The following CCDC14 variants were observed in gnomAD, a reference collection of about 807,000 sequenced individuals.
CCDC14 encodes coiled-coil domain containing 14.
A neutral mutation model predicts 81.4 loss-of-function variants in CCDC14; 71 were observed. The observed-to-expected ratio is 0.87, with a 90% CI of 0.72 to 1.06. CCDC14 has a LOEUF of 1.06. Among genes scored for constraint, CCDC14 ranks in the 50% least tolerant of loss-of-function variants. The probability of loss-of-function intolerance (pLI) is 0.00; values close to 1 mark genes in which losing one functional copy is unlikely to be tolerated. For missense variants in CCDC14, 1,046 were observed against 1,047.3 expected (o/e 1.00, Z 0.02); for synonymous variants, 332 against 364.8 (o/e 0.91, Z 1.03).
chr3:123,952,700 T>C (rs1421796308), intron 5 of CCDC14: 2 of 463,240 alleles, frequency 4.3e-6, no homozygotes, highest in East Asian at 5.9e-5. Flanking sequence ...TAACACAAAA[T>C]AGCAAGATAA....
chr3:123,890,665 C>G, the CCDC14 span, among the ~76,000 whole-genome samples: 1 of 152,322 alleles, frequency 6.6e-6, no homozygotes, highest in Middle Eastern at 3.4e-3. Flanking sequence ...GCAGCTCTGC[C>G]CCTGTGGCTT....
intron 5 of CCDC14, among the ~76,000 whole-genome samples, chr3:123,898,889 T>TTG (rs2034125668): frequency 1.3e-5 from 2 of 150,116 alleles, no homozygotes; most frequent in African/African-American, 4.9e-5. Context: ...TGGTTGTTTT[T>TTG]TTTTTTTTTT....
At chr3:123,958,178 A>C (rs2037450390) in intron 1 of CCDC14, 1 of 152,224 alleles carries the variant, frequency 6.6e-6, no homozygotes, top group South Asian at 2.1e-4. Flanking sequence ...TCACACTCTC[A>C]GGGTCCTTCC....
At chr3:123,952,840 T>C (rs1237994051) in intron 5 of CCDC14, 1 of 222,516 alleles carries the variant, frequency 4.5e-6, no homozygotes, top group Non-Finnish European at 1.0e-5. Context: ...TTTGTGTATT[T>C]TTGAGCATTG....
chr3:123,902,750 T>C (rs960807785), intron 5 of CCDC14, among the ~76,000 whole-genome samples: 2 of 152,234 alleles, frequency 1.3e-5, no homozygotes, highest in African/African-American at 4.8e-5. Context: ...AGCTAACTAT[T>C]TAATGAATAA....
chr3:123,918,264 C>A (rs1332008108), intron 12 of CCDC14, among the ~76,000 whole-genome samples: 1 of 152,194 alleles, frequency 6.6e-6, no homozygotes. Flanking sequence ...CTTAAACACA[C>A]TGTATTTTGA....
chr3:123,930,285 G>A (rs2035618235), intron 12 of CCDC14, among the ~76,000 whole-genome samples: 1 of 152,276 alleles, frequency 6.6e-6, no homozygotes, highest in Non-Finnish European at 1.5e-5. Flanking sequence ...GAGGGGGGAA[G>A]TTGAAAATTC....
At position 123,956,774 on chromosome 3, in the gene CCDC14, T is replaced by C. The variant is rs1205679894; in HGVS notation, c.52A>G (p.Thr18Ala). The C allele has an allele frequency of 2.6e-6, 4 of 1,545,740 alleles. No homozygotes were observed. The East Asian group carries it at 7.4e-5, about 28-fold the overall frequency. The change falls in exon 2 of 13, where the codon ACT becomes GCT. Residue 18 changes from threonine to alanine, a missense_variant. Thr to Ala is a moderately conservative substitution (Grantham distance 58). Coordinates refer to ENST00000409697, the MANE Select transcript of CCDC14 (RefSeq NM_001366335.1). ...CCATTTGTTAATTTAGCAGGTCCAG[T>C]GTGCCTTCCTGAAGATAACACCTAT... ...PGQVLSSGRH[T>A]GPAKLTNGKK...
At chr3:123,924,497 G>A (rs950804993) in intron 12 of CCDC14, among the ~76,000 whole-genome samples, 1 of 152,080 alleles carries the variant, frequency 6.6e-6, no homozygotes, top group Non-Finnish European at 1.5e-5. Flanking sequence ...ACAGAGTGAA[G>A]AGACAAGCCA....
rs1387272189 is a variant in CCDC14 at position 123,914,640 on chromosome 3, AACAAT to A, written c.*134_*138del. On this transcript the variant is annotated 3_prime_UTR_variant, in exon 13 of 13. Coordinates refer to ENST00000409697, the MANE Select transcript of CCDC14 (RefSeq NM_001366335.1). ...AAGCTCCTCAGTGTCAATATATCTC[AACAAT>A]ACATTTATTACTTGTACAATATATT... The A allele has an allele frequency of 4.4e-6, 6 of 1,370,794 alleles. No individual in the cohort carries two copies. The African/African-American group carries it at 4.4e-5, about 10-fold the overall frequency. 84.9% of individuals were successfully genotyped at this position (1,370,794 alleles called of 1,614,324 possible).
chr3:123,903,916 C>T (rs2034242056), intron 5 of CCDC14, among the ~76,000 whole-genome samples: 1 of 152,128 alleles, frequency 6.6e-6, no homozygotes, highest in Non-Finnish European at 1.5e-5. Context: ...CAGCAGTTCT[C>T]TTGGAGAGAA....
downstream of CCDC14, among the ~76,000 whole-genome samples, chr3:123,896,175 G>T (rs1281158165): frequency 1.3e-5 from 2 of 152,134 alleles, no homozygotes; most frequent in African/African-American, 4.8e-5. Flanking sequence ...ATAGACTAAT[G>T]GGTTAGTGGA....
chr3:123,949,146 A>G lies in CCDC14; in HGVS notation c.353-14T>C. The G allele has an allele frequency of 6.7e-7, 1 of 1,498,392 alleles. No homozygotes were observed. Among genetic ancestry groups the G allele is most frequent in the Non-Finnish European group, 9.1e-7 (1 of 1,093,862 alleles). 92.8% of individuals were successfully genotyped at this position (1,498,392 alleles called of 1,614,324 possible). A position where few individuals can be genotyped will look rare whatever the true frequency, so the allele number is the denominator to read the frequency against. On this transcript the variant is annotated splice_polypyrimidine_tract_variant and intron_variant, in intron 5 of 12. Coordinates refer to ENST00000409697, the MANE Select transcript of CCDC14 (RefSeq NM_001366335.1). Reference sequence around the variant, plus strand: ...TATCTGAAGATGCTAATGTGGAAGAAGAAAAAAGTTCTTGAAATATGATTC... The same window carrying G: ...TATCTGAAGATGCTAATGTGGAAGAGGAAAAAAGTTCTTGAAATATGATTC...
Position 123,914,721 on chromosome 3 carries a change from T to A in CCDC14, c.*58A>T. The A allele has an allele frequency of 2.1e-6, 3 of 1,455,250 alleles. No individual in the cohort carries two copies. The highest frequency in any genetic ancestry group is 1.8e-6 in the Non-Finnish European group (2 of 1,105,264). The allele number at this position is 1,455,250 out of a possible 1,614,324, so 90.1% of individuals were successfully genotyped here. On this transcript the variant is annotated 3_prime_UTR_variant, in exon 13 of 13. Coordinates refer to ENST00000409697, the MANE Select transcript of CCDC14 (RefSeq NM_001366335.1). ...TCATTTCACTAAAGAAAAATACACATTCAATATAGCCAAGTTCTAGTTTTA... is the reference window on the plus strand; with the variant it reads ...TCATTTCACTAAAGAAAAATACACAATCAATATAGCCAAGTTCTAGTTTTA...
chr3:123,921,272 T>C (rs1188094266), intron 12 of CCDC14, among the ~76,000 whole-genome samples: 1 of 152,172 alleles, frequency 6.6e-6, no homozygotes, highest in Non-Finnish European at 1.5e-5. Flanking sequence ...AAAAACTGTA[T>C]GCTGCTTACA....
intron 9 of CCDC14, among the ~76,000 whole-genome samples, chr3:123,934,925 G>T (rs1037515084): frequency 1.3e-5 from 2 of 152,112 alleles, no homozygotes; most frequent in South Asian, 4.1e-4. Context: ...AAGTCGGGAA[G>T]GCATTTCTAA....
At chr3:123,921,756 CA>C (rs201849450) in intron 12 of CCDC14, among the ~76,000 whole-genome samples, 5 of 151,042 alleles carry the variant, frequency 3.3e-5, no homozygotes, top group East Asian at 1.9e-4. Context: ...AAAAATTTGT[CA>C]AAAAAAAATC....
chr3:123,903,402 C>A (rs1190904185), intron 5 of CCDC14, among the ~76,000 whole-genome samples: 1 of 152,036 alleles, frequency 6.6e-6, no homozygotes, highest in Non-Finnish European at 1.5e-5. Flanking sequence ...AATTTTCACA[C>A]ATTTATAGCA....
intron 9 of CCDC14, among the ~76,000 whole-genome samples, chr3:123,941,256 T>C (rs2036333929): frequency 6.6e-6 from 1 of 151,932 alleles, no homozygotes; most frequent in Non-Finnish European, 1.5e-5. Context: ...AAATGCTGAA[T>C]AACTATATCA....
Sources: allele counts gnomAD v4.1 joint callset (sites outside exome capture counted in the v4.1 genomes callset), GRCh38; gene constraint gnomAD v4.1.1; transcripts MANE v1.5; gene names NCBI Gene and HGNC (gene_info 2026-07-23, HGNC 2026-07-21).